TMPRSS15: variants seen among roughly 807,000 people sequenced by gnomAD.
The protein encoded by TMPRSS15 is transmembrane serine protease 15, also known as enteropeptidase.
Under a neutral mutation model 125.3 loss-of-function variants are expected in TMPRSS15, and 128 were observed. That is an observed-to-expected ratio of 1.02 (90% CI 0.89 to 1.18). The LOEUF is 1.18. TMPRSS15 is among the 50% of genes most tolerant of loss of function. The pLI, the probability that TMPRSS15 is intolerant of heterozygous loss-of-function variation, is 0.00. For missense variants in TMPRSS15, 1,283 were observed against 1,212.7 expected (o/e 1.06, Z -0.86); for synonymous variants, 446 against 423.2 (o/e 1.05, Z -0.66).
At chr21:18,376,521 C>A (rs947761805) in intron 5 of TMPRSS15, among the ~76,000 whole-genome samples, 2 of 152,102 alleles carry the variant, frequency 1.3e-5, no homozygotes, top group Non-Finnish European at 2.9e-5. Context: ...TTCTTTTCCT[C>A]CAATTCTCAA....
chr21:18,317,875 AT>A (rs2075187791), intron 16 of TMPRSS15, among the ~76,000 whole-genome samples: 1 of 100,204 alleles, frequency 1.0e-5, no homozygotes, highest in South Asian at 3.6e-4. Context: ...ATCCCATCCC[AT>A]CCCATCCCAT....
chr21:18,435,300 G>A (rs531817863), intron 1 of TMPRSS15, among the ~76,000 whole-genome samples: 4 of 152,228 alleles, frequency 2.6e-5, no homozygotes, highest in Admixed American at 6.5e-5. Flanking sequence ...TTTGAGATAC[G>A]TCCCATCAAT....
At chr21:18,448,084 A>G (rs2076259399) in intron 1 of TMPRSS15, among the ~76,000 whole-genome samples, 1 of 152,168 alleles carries the variant, frequency 6.6e-6, no homozygotes, top group Admixed American at 6.5e-5. Flanking sequence ...AAATATAAAT[A>G]CCATATGATC....
At chr21:18,420,759 T>G (rs2123190690) in intron 1 of TMPRSS15, among the ~76,000 whole-genome samples, 1 of 152,312 alleles carries the variant, frequency 6.6e-6, no homozygotes, top group South Asian at 2.1e-4. Flanking sequence ...AATGTAGATG[T>G]CACTTTGGCT....
intron 1 of TMPRSS15, among the ~76,000 whole-genome samples, 162 bp from the exon 2 acceptor site, chr21:18,398,491 C>G (rs543367045): frequency 6.6e-6 from 1 of 152,272 alleles, no homozygotes; most frequent in African/African-American, 2.4e-5. Context: ...CAGCTGCTTT[C>G]TTTCACCAGC....
intron 16 of TMPRSS15, among the ~76,000 whole-genome samples, chr21:18,320,146 A>T (rs1173497429): frequency 6.6e-6 from 1 of 152,170 alleles, no homozygotes; most frequent in African/African-American, 2.4e-5. Context: ...TACTTTGACT[A>T]TATATTTTAT....
chr21:18,318,499 ACAAAGACAATATTTCCACCCTCCTCTGC>A (rs1160883009), intron 16 of TMPRSS15, among the ~76,000 whole-genome samples: 1 of 152,226 alleles, frequency 6.6e-6, no homozygotes, highest in Non-Finnish European at 1.5e-5. Flanking sequence ...GGAAACTAAA[ACAAAGACAATATTTCCACCCTCCTCTGC>A]CTTAAGTTAT....
chr21:18,479,031 A>G (rs1978930365), intron 1 of TMPRSS15, among the ~76,000 whole-genome samples: 1 of 151,928 alleles, frequency 6.6e-6, no homozygotes, highest in Non-Finnish European at 1.5e-5. Context: ...TTACTGGTTG[A>G]GCATCCCACA....
At position 18,313,056 on chromosome 21, in the gene TMPRSS15, G is replaced by A. The variant is rs750285967; in HGVS notation, c.2054C>T (p.Thr685Met). 3.8e-5 allele frequency: 62 copies of A among 1,613,638 alleles called. 1 individual carries two copies. In the East Asian group the frequency reaches 4.7e-4, roughly 12 times the overall value. The part of the protein sequence containing the change: ...ADCVRFFNGT[T>M]NNNGLVRFRI... Reference sequence around the variant, plus strand: ...GAACCGCACTAAACCATTGTTGTTCGTTGTGCCATTGAAAAAACGCACTAA... The same window carrying A: ...GAACCGCACTAAACCATTGTTGTTCATTGTGCCATTGAAAAAACGCACTAA... Residue 685 changes from threonine (T) to methionine (M), a missense_variant, in exon 18 of 25, where the codon ACG becomes ATG. Thr to Met is a moderately conservative substitution (Grantham distance 81, BLOSUM62 -1). Coordinates refer to ENST00000284885, the MANE Select transcript of TMPRSS15 (RefSeq NM_002772.3).
chr21:18,467,109 G>A (rs1978679959), intron 1 of TMPRSS15, among the ~76,000 whole-genome samples: 1 of 152,096 alleles, frequency 6.6e-6, no homozygotes, highest in African/African-American at 2.4e-5. Flanking sequence ...GTCCTTTGCA[G>A]GGACATGGAT....
At chr21:18,477,804 C>T (rs1978906669) in intron 1 of TMPRSS15, 1 of 152,054 alleles carries the variant, frequency 6.6e-6, no homozygotes, top group East Asian at 1.9e-4. Context: ...TGAATAATCA[C>T]CCTTACTGTA....
intron 21 of TMPRSS15, among the ~76,000 whole-genome samples, chr21:18,292,342 T>C (rs1445409680): frequency 6.6e-6 from 1 of 152,196 alleles, no homozygotes; most frequent in Non-Finnish European, 1.5e-5. Flanking sequence ...ACGATCTTTT[T>C]GCACTGCACT....
chr21:18,440,148 G>A (rs990196643), intron 1 of TMPRSS15, among the ~76,000 whole-genome samples: 2 of 151,936 alleles, frequency 1.3e-5, no homozygotes, highest in African/African-American at 4.8e-5. Context: ...GCCGAGACGG[G>A]CGGATCACGA....
rs1406782402 is a variant in TMPRSS15 at position 18,449,896 on chromosome 21, CA to C, written c.10+35902del. Among the ~76,000 whole-genome samples the C allele has an allele frequency of 6.2e-3, 943 of 151,648 alleles. 15 individuals carry two copies. Among genetic ancestry groups the C allele is most frequent in the African/African-American group, 0.021 (886 of 41,388 alleles). On this transcript the variant is annotated intron_variant, in intron 1 of 7. Transcript: ENST00000422787. Reference sequence around the variant, plus strand: ...ACACACGCACACACACACACACACACACACCTATATAAAATGGAAGAATAGC... The same window carrying C: ...ACACACGCACACACACACACACACACCACCTATATAAAATGGAAGAATAGC...
intron 1 of TMPRSS15, among the ~76,000 whole-genome samples, chr21:18,446,809 T>A (rs2076256724): frequency 6.6e-6 from 1 of 152,138 alleles, no homozygotes; most frequent in Admixed American, 6.6e-5. Context: ...ATTGAAGACC[T>A]CAAAGTAGGA....
intron 16 of TMPRSS15, among the ~76,000 whole-genome samples, chr21:18,316,627 A>G (rs1267750314): frequency 6.6e-6 from 1 of 152,202 alleles, no homozygotes; most frequent in Non-Finnish European, 1.5e-5. Context: ...AAGGAAAATG[A>G]AAAACCTGGG....
intron 24 of TMPRSS15, among the ~76,000 whole-genome samples, chr21:18,270,557 G>A (rs928480033): frequency 1.3e-5 from 2 of 152,110 alleles, no homozygotes; most frequent in African/African-American, 4.8e-5. Context: ...GGAAAAATTA[G>A]GAACTCACAC....
Position 18,294,640 on chromosome 21 carries a change from T to C in TMPRSS15, c.2274A>G (p.Leu758=), listed in dbSNP as rs1424831957. The C allele has an allele frequency of 6.2e-7, 1 of 1,610,934 alleles. No homozygotes were observed. Among genetic ancestry groups the C allele is most frequent in the Admixed American group, 1.7e-5 (1 of 60,012 alleles). ...HLILTPSQQC[L]QDSLIRLQCN... ...ACTGTAACCGAATCAAGGAATCCTGTAAACACTGTTGACTGTAATAGAAGA... is the reference window on the plus strand; with the variant it reads ...ACTGTAACCGAATCAAGGAATCCTGCAAACACTGTTGACTGTAATAGAAGA... The change falls in exon 20 of 25, where the codon TTA becomes TTG. Residue 758 remains leucine (L), a synonymous_variant. Transcript: ENST00000284885.
intron 20 of TMPRSS15, 62 bp downstream of exon 20, chr21:18,294,541 A>G (rs766844821): frequency 6.6e-5 from 106 of 1,603,194 alleles, no homozygotes; most frequent in Non-Finnish European, 8.1e-5. Flanking sequence ...AGGTGACATA[A>G]AACTCTATTC....
Sources: gnomAD v4.1 joint callset for allele counts (sites outside exome capture counted in the v4.1 genomes callset) on GRCh38, gnomAD v4.1.1 for gene constraint, MANE v1.5 for transcripts, NCBI Gene and HGNC (gene_info 2026-07-23, HGNC 2026-07-21) for gene names.